The following KANSL1L variants were observed in gnomAD, a reference collection of about 807,000 sequenced individuals.
The protein encoded by KANSL1L is KAT8 regulatory NSL complex subunit 1-like protein.
Under a neutral mutation model 108.6 loss-of-function variants are expected in KANSL1L, and 25 were observed. The ratio of observed to expected loss-of-function variants is 0.23; its 90% CI spans 0.17 to 0.32. The LOEUF (loss-of-function observed/expected upper bound fraction) is 0.32, where lower values mean the gene tolerates loss of function less well. Ranked by LOEUF, KANSL1L falls within the 10% of genes least tolerant of loss-of-function variation. The pLI is 1.00. For synonymous variants in KANSL1L, 405 were observed against 395.1 expected (o/e 1.03, Z -0.30); for missense variants, 1,137 against 1,125.7 (o/e 1.01, Z -0.14).
At chr2:210,141,335 CAT>C (rs1323515470) in intron 2 of KANSL1L, among the ~76,000 whole-genome samples, 4 of 151,952 alleles carry the variant, frequency 2.6e-5, no homozygotes, top group African/African-American at 7.2e-5. Flanking sequence ...CCTCAAAATT[CAT>C]ATGTTAAAAC....
chr2:210,069,446 C>T (rs1390164386), intron 6 of KANSL1L, among the ~76,000 whole-genome samples: 2 of 152,200 alleles, frequency 1.3e-5, no homozygotes, highest in African/African-American at 2.4e-5. Context: ...GCTCATTACC[C>T]AGTTCCAAAG....
chr2:210,045,021 C>T (rs1218563416), intron 6 of KANSL1L, among the ~76,000 whole-genome samples: 1 of 152,110 alleles, frequency 6.6e-6, no homozygotes, highest in African/African-American at 2.4e-5. Context: ...CAGCCTGCCT[C>T]CATCTCCCAA....
chr2:210,022,491 G>GTGTA lies in KANSL1L; in HGVS notation c.*454_*457dup, dbSNP rs1408798795. On this transcript the variant is annotated 3_prime_UTR_variant, in exon 15 of 15. Transcript: ENST00000281772. ...AAACTACATAGGGGTGTGTGTGTGT[G>GTGTA]TGTATGTTTATTTTATACACACATA... 1 of 163,512 alleles carries GTGTA rather than the reference G, an allele frequency of 6.1e-6. No homozygotes were observed. Among genetic ancestry groups the GTGTA allele is most frequent in the Non-Finnish European group, 1.3e-5 (1 of 74,718 alleles). 10.1% of individuals were successfully genotyped at this position (163,512 alleles called of 1,614,324 possible).
intron 12 of KANSL1L, 88 bp downstream of exon 12, chr2:210,027,208 T>A (rs887022512): frequency 2.4e-6 from 2 of 849,998 alleles, no homozygotes; most frequent in Non-Finnish European, 4.0e-6. Context: ...AAAGGGCTTA[T>A]ATATTCCTTT....
At chr2:210,028,824 T>A in intron 11 of KANSL1L, 21 bp downstream of exon 11, 2 of 1,489,134 alleles carry the variant, frequency 1.3e-6, no homozygotes, top group East Asian at 2.4e-5. Context: ...AAGAAAAATA[T>A]GAAGATGTAA....
At chr2:210,143,529 T>C (rs2095244825) in intron 2 of KANSL1L, among the ~76,000 whole-genome samples, 2 of 152,116 alleles carry the variant, frequency 1.3e-5, no homozygotes, top group Admixed American at 1.3e-4. Flanking sequence ...ATGCAGATCC[T>C]TTGTTCCTTT....
At chr2:210,041,835 C>G (rs906968879) in intron 7 of KANSL1L, among the ~76,000 whole-genome samples, 8 of 152,052 alleles carry the variant, frequency 5.3e-5, no homozygotes, top group Non-Finnish European at 1.0e-4. Flanking sequence ...ATATGCAAAA[C>G]AAAAATTAGT....
intron 2 of KANSL1L, among the ~76,000 whole-genome samples, chr2:210,139,308 A>G (rs987699521): frequency 2.6e-5 from 4 of 152,122 alleles, no homozygotes; most frequent in African/African-American, 9.7e-5. Flanking sequence ...TTCCTTATCC[A>G]TTCATCTGTC....
chr2:210,078,168 G>C (rs1373558262), intron 5 of KANSL1L, among the ~76,000 whole-genome samples: 1 of 152,074 alleles, frequency 6.6e-6, no homozygotes, highest in African/African-American at 2.4e-5. Flanking sequence ...AAGTATTAGT[G>C]TATCTAAACA....
chr2:210,105,065 C>T (rs1000697557), intron 3 of KANSL1L, among the ~76,000 whole-genome samples: 8 of 152,100 alleles, frequency 5.3e-5, no homozygotes, highest in African/African-American at 1.9e-4. Flanking sequence ...CTCCTCCATT[C>T]CCCAGCTTCC....
chr2:210,154,185 A>T lies in KANSL1L; in HGVS notation c.398T>A (p.Ile133Asn). Residue 133 changes from isoleucine to asparagine, a missense_variant, in exon 2 of 15, where the codon ATC becomes AAC. By Grantham distance (149) the Ile-to-Asn change is moderately radical (BLOSUM62 -3). Coordinates refer to ENST00000281772, the MANE Select transcript of KANSL1L (RefSeq NM_152519.4). Reference protein sequence around the residue: ...KICLSHSEEFIKKEPLSDTTS... With the variant: ...KICLSHSEEFNKKEPLSDTTS... The stretch of plus-strand genomic sequence containing the variant: ...GGTATCTGATAGAGGCTCCTTTTTG[A>T]TGAACTCTTCAGAATGAGAAAGACA... 1.2e-6 allele frequency: 2 copies of T among 1,613,980 alleles called. No individual in the cohort carries two copies. Among genetic ancestry groups the T allele is most frequent in the Non-Finnish European group, 1.7e-6 (2 of 1,179,924 alleles).
chr2:210,081,307 G>T (rs1323477376), intron 5 of KANSL1L, among the ~76,000 whole-genome samples: 2 of 151,840 alleles, frequency 1.3e-5, no homozygotes, highest in African/African-American at 2.4e-5. Flanking sequence ...ACTTCATACT[G>T]TATAAGATCT....
chr2:210,105,788 AAGG>A (rs1439908861), intron 3 of KANSL1L, among the ~76,000 whole-genome samples: 2 of 152,162 alleles, frequency 1.3e-5, no homozygotes, highest in African/African-American at 2.4e-5. Context: ...TGACTTTTCC[AAGG>A]AGAAGGGGAG....
At chr2:210,060,960 C>G (rs894945340) in intron 6 of KANSL1L, among the ~76,000 whole-genome samples, 2 of 152,166 alleles carry the variant, frequency 1.3e-5, no homozygotes, top group South Asian at 4.1e-4. Flanking sequence ...AAGAAGTAAT[C>G]ACCACTGCTA....
At chr2:210,113,731 T>C (rs753920410) in intron 3 of KANSL1L, among the ~76,000 whole-genome samples, 18 of 152,010 alleles carry the variant, frequency 1.2e-4, no homozygotes, top group Non-Finnish European at 2.2e-4. Flanking sequence ...AATATGGAGA[T>C]AGAAAACCTG....
chr2:210,136,265 CTTA>C lies in KANSL1L; in HGVS notation c.1089-7096_1089-7094del, dbSNP rs546077929. Among the ~76,000 whole-genome samples the C allele has an allele frequency of 1.6e-4, 24 of 151,916 alleles. 1 individual carries two copies. The South Asian group carries it at 5.0e-3, about 32-fold the overall frequency. On this transcript the variant is annotated intron_variant, in intron 2 of 14. Coordinates refer to ENST00000281772, the MANE Select transcript of KANSL1L (RefSeq NM_152519.4). ...GGATGGGCAAATTTAGTCTTCTTCT[CTTA>C]TTATCTATCCTCCCACCCCTCAAAG...
intron 4 of KANSL1L, 134 bp from the exon 5 acceptor site, chr2:210,098,341 A>C: frequency 1.3e-6 from 1 of 769,664 alleles, no homozygotes; most frequent in Non-Finnish European, 2.0e-6. Flanking sequence ...TTATTTGACA[A>C]AGACAATTTA....
chr2:210,132,369 A>G (rs145789338), intron 2 of KANSL1L, among the ~76,000 whole-genome samples: 5 of 152,260 alleles, frequency 3.3e-5, no homozygotes, highest in African/African-American at 9.6e-5. Context: ...GAATCTTTCT[A>G]GAGTGTGCAA....
At chr2:210,090,952 TA>T (rs1315705539) in intron 5 of KANSL1L, among the ~76,000 whole-genome samples, 1 of 152,240 alleles carries the variant, frequency 6.6e-6, no homozygotes, top group Non-Finnish European at 1.5e-5. Context: ...GCTCAGTGTG[TA>T]CCTCAAAATT....
Sources: gnomAD v4.1 joint callset for allele counts (sites outside exome capture counted in the v4.1 genomes callset) on GRCh38, gnomAD v4.1.1 for gene constraint, MANE v1.5 for transcripts, NCBI Gene and HGNC (gene_info 2026-07-23, HGNC 2026-07-21) for gene names.